MGRN1: variants seen among roughly 807,000 people sequenced by gnomAD.
MGRN1 encodes E3 ubiquitin-protein ligase MGRN1.
MGRN1 carries 29 observed loss-of-function variants against 69.2 expected under a neutral mutation model. The ratio of observed to expected loss-of-function variants is 0.42; its 90% CI spans 0.31 to 0.57. The LOEUF (loss-of-function observed/expected upper bound fraction) is 0.57. Ranked by LOEUF, MGRN1 falls within the 20% of genes least tolerant of loss-of-function variation. The probability of loss-of-function intolerance (pLI) is 0.15; values close to 1 mark genes in which losing one functional copy is unlikely to be tolerated. For missense variants in MGRN1, 998 were observed against 796.2 expected, an observed-to-expected ratio of 1.25 and a Z score of -3.05; for synonymous variants, 470 against 344.2, an observed-to-expected ratio of 1.37 and a Z score of -4.04.
intron 5 of MGRN1, among the ~76,000 whole-genome samples, chr16:4,663,391 T>TTTTTTTTTTTTTTTTTTTTTTA (rs150893432): frequency 8.1e-6 from 1 of 123,178 alleles, no homozygotes. Context: ...TTTTTTTTTT[T>TTTTTTTTTTTTTTTTTTTTTTA]ACACCTTTAT....
chr16:4,686,459 C>G (rs2079321282), intron 16 of MGRN1: 1 of 1,417,244 alleles, frequency 7.1e-7, no homozygotes, highest in Non-Finnish European at 9.2e-7. Context: ...CCAGAGCTCT[C>G]CAGTGGCTGC....
intron 4 of MGRN1, among the ~76,000 whole-genome samples, chr16:4,656,336 G>A (rs1377172227): frequency 1.3e-5 from 2 of 152,370 alleles, no homozygotes; most frequent in Admixed American, 6.5e-5. Context: ...ACCAAAGCGG[G>A]ACCTGTGTGG....
rs1274974718 is a variant in MGRN1 at position 4,665,155 on chromosome 16, A to G, written c.678+4A>G. On this transcript the variant is annotated splice_donor_region_variant and intron_variant, in intron 7 of 16. Coordinates refer to ENST00000262370, the MANE Select transcript of MGRN1 (RefSeq NM_015246.4). ...GCTCTTGGCTGCCTTTGAAAAGGTA[A>G]GTGCCATCTGGCCATCACTTTCCCG... 6.2e-7 allele frequency: 1 copy of G among 1,613,998 alleles called. No homozygotes were observed. The highest frequency in any genetic ancestry group is 2.2e-5 in the East Asian group (1 of 44,886).
rs1439256311 is a variant in MGRN1, at chr16:4,657,148, A to G, written c.444-98A>G. ...CCATGAGAGAGGGTCCCCAAAAGAC[A>G]GGTGTCTGCGGCCCTTCCAGCTGTC... On this transcript the variant is annotated intron_variant, in intron 4 of 16. Coordinates refer to ENST00000262370, the MANE Select transcript of MGRN1 (RefSeq NM_015246.4). 6.1e-6 allele frequency: 7 copies of G among 1,144,254 alleles called. No homozygotes were observed. The East Asian group carries it at 1.7e-4, about 27-fold the overall frequency. The allele number at this position is 1,144,254 out of a possible 1,614,324, so 70.9% of individuals were successfully genotyped here. A position where few individuals can be genotyped will look rare whatever the true frequency, so the allele number is the denominator to read the frequency against.
intron 1 of MGRN1, 43 bp downstream of exon 1, chr16:4,625,091 GAACGC>G: frequency 6.7e-7 from 1 of 1,485,790 alleles, no homozygotes; most frequent in South Asian, 1.3e-5. Flanking sequence ...GCACGCGCTG[GAACGC>G]GGACCCGGCG....
In MGRN1 at chr16:4,683,951, G is replaced by A; in HGVS notation, c.1618+19G>A. On this transcript the variant is annotated intron_variant, in intron 16 of 16. Coordinates refer to ENST00000262370, the MANE Select transcript of MGRN1 (RefSeq NM_015246.4). ...CTGCCAGGTAAGGGGCTGGGGGTCT[G>A]GGGGTGAGGGGCTGGGTGCCTGTCT... 2 of 1,523,098 alleles carry A rather than the reference G, an allele frequency of 1.3e-6. No individual in the cohort carries two copies. Among genetic ancestry groups the A allele is most frequent in the Non-Finnish European group, 1.8e-6 (2 of 1,122,110 alleles). 94.3% of individuals were successfully genotyped at this position (1,523,098 alleles called of 1,614,324 possible). A position where few individuals can be genotyped will look rare whatever the true frequency, so the allele number is the denominator to read the frequency against.
intron 5 of MGRN1, among the ~76,000 whole-genome samples, chr16:4,661,038 G>A (rs2078668131): frequency 6.6e-6 from 1 of 152,162 alleles, no homozygotes; most frequent in South Asian, 2.1e-4. Flanking sequence ...CTGGAGTGCA[G>A]TGGCACAATC....
At chr16:4,633,267 T>TA (rs1385212706) in intron 1 of MGRN1, among the ~76,000 whole-genome samples, 1 of 151,986 alleles carries the variant, frequency 6.6e-6, no homozygotes, top group African/African-American at 2.4e-5. Flanking sequence ...TGGGTGCCCA[T>TA]AATCCCAGCT....
At chr16:4,640,865 G>A (rs759987811) in intron 1 of MGRN1, among the ~76,000 whole-genome samples, 8 of 152,242 alleles carry the variant, frequency 5.3e-5, no homozygotes, top group Non-Finnish European at 7.3e-5. Context: ...TGGAGTCGGG[G>A]TGTGCGCCCC....
intron 8 of MGRN1, chr16:4,671,184 G>T: frequency 3.4e-6 from 2 of 588,918 alleles, no homozygotes; most frequent in Non-Finnish European, 6.0e-6. Context: ...GAGAGCCACC[G>T]GCTCCAGCCC....
intron 5 of MGRN1, chr16:4,664,363 A>AC: frequency 3.0e-6 from 1 of 337,618 alleles, no homozygotes; most frequent in South Asian, 3.5e-5. Flanking sequence ...GGAGGAGGGG[A>AC]TGGGGAGTGT....
chr16:4,687,521 TACAC>T lies in MGRN1; in HGVS notation c.1619-1268_1619-1265del, dbSNP rs1297256440. 28 of 959,430 alleles carry T rather than the reference TACAC, an allele frequency of 2.9e-5. No individual in the cohort carries two copies. In the South Asian group the frequency reaches 6.8e-4, roughly 23 times the overall value. 59.4% of individuals were successfully genotyped at this position (959,430 alleles called of 1,614,324 possible). A position where few individuals can be genotyped will look rare whatever the true frequency, so the allele number is the denominator to read the frequency against. ...GAGACGCTGTCTCAATAAAAAAAAATACACACACACCCACCCACCCACTCCAGCC... is the reference window on the plus strand; with the variant it reads ...GAGACGCTGTCTCAATAAAAAAAAATACACACCCACCCACCCACTCCAGCC... On this transcript the variant is annotated intron_variant, in intron 16 of 16. Coordinates refer to ENST00000262370, the MANE Select transcript of MGRN1 (RefSeq NM_015246.4).
At chr16:4,625,825 C>T (rs1897650580) in intron 1 of MGRN1, among the ~76,000 whole-genome samples, 2 of 152,220 alleles carry the variant, frequency 1.3e-5, no homozygotes, top group Admixed American at 6.5e-5. Flanking sequence ...CCTCCATCTC[C>T]TCGTGGGGTT....
chr16:4,676,084 C>T (rs1481433684), intron 10 of MGRN1, among the ~76,000 whole-genome samples: 1 of 152,254 alleles, frequency 6.6e-6, no homozygotes, highest in Admixed American at 6.5e-5. Context: ...GGGCGTGGGG[C>T]TGTGCGAGGA....
rs1183914569 is a variant in MGRN1, at chr16:4,663,365, G to GTTTTTTTTTTT, written c.562-1328_562-1318dup. Among the ~76,000 whole-genome samples the GTTTTTTTTTTT allele has an allele frequency of 2.9e-4, 18 of 61,826 alleles. 2 individuals carry two copies. The highest frequency in any genetic ancestry group is 4.0e-4 in the African/African-American group (7 of 17,348). 40.6% of individuals were successfully genotyped at this position (61,826 alleles called of 152,430 possible). A position where few individuals can be genotyped will look rare whatever the true frequency, so the allele number is the denominator to read the frequency against. ...GGCGGGAGCCACGGCACCTGGCCTTGTTTTTTTTTTTTTTTTTTTTTTTTT... is the reference window on the plus strand; with the variant it reads ...GGCGGGAGCCACGGCACCTGGCCTTGTTTTTTTTTTTTTTTTTTTTTTTTTTTTTTTTTTTT... On this transcript the variant is annotated intron_variant, in intron 5 of 16. Transcript: ENST00000262370.
At chr16:4,688,525 T>G in intron 16 of MGRN1, 1 of 1,235,236 alleles carries the variant, frequency 8.1e-7, no homozygotes, top group Non-Finnish European at 1.0e-6. Flanking sequence ...CGCGGTGCCG[T>G]GTCGCGCTCT....
chr16:4,684,774 G>A (rs2079270043), intron 16 of MGRN1, among the ~76,000 whole-genome samples: 2 of 152,246 alleles, frequency 1.3e-5, no homozygotes, highest in African/African-American at 4.8e-5. Flanking sequence ...GCTGTCTGCG[G>A]CTCTGGAACT....
At chr16:4,664,218 C>G (rs929947260) in intron 5 of MGRN1, 7 of 177,304 alleles carry the variant, frequency 3.9e-5, no homozygotes, top group African/African-American at 1.4e-4. Flanking sequence ...AGCACCGATG[C>G]GTGCTGCACC....
At chr16:4,660,832 A>G (rs987277406) in intron 5 of MGRN1, among the ~76,000 whole-genome samples, 1 of 152,196 alleles carries the variant, frequency 6.6e-6, no homozygotes, top group Admixed American at 6.5e-5. Flanking sequence ...CAGCATGATC[A>G]GCCCTGACAG....
Sources: allele counts gnomAD v4.1 joint callset (sites outside exome capture counted in the v4.1 genomes callset), GRCh38; gene constraint gnomAD v4.1.1; transcripts MANE v1.5; gene names NCBI Gene and HGNC (gene_info 2026-07-23, HGNC 2026-07-21).